SH3GL3: variants seen among roughly 807,000 people sequenced by gnomAD.
The protein encoded by SH3GL3 is SH3 domain containing GRB2 like 3, endophilin A3.
Under a neutral mutation model 47.7 loss-of-function variants are expected in SH3GL3, and 33 were observed. The observed-to-expected ratio is 0.69, with a 90% CI of 0.52 to 0.92. The LOEUF (loss-of-function observed/expected upper bound fraction) is 0.92. SH3GL3 is among the 40% of genes least tolerant of loss of function. The pLI is 0.00. For synonymous variants in SH3GL3, 155 were observed against 148.8 expected, an observed-to-expected ratio of 1.04 and a Z score of -0.30; for missense variants, 363 against 417.8, an observed-to-expected ratio of 0.87 and a Z score of 1.14.
intron 6 of SH3GL3, among the ~76,000 whole-genome samples, chr15:83,581,497 G>C (rs765583648): frequency 6.6e-6 from 1 of 152,204 alleles, no homozygotes; most frequent in Non-Finnish European, 1.5e-5. Context: ...GAGAGAGCGG[G>C]TGCAGAGACC....
At chr15:83,464,786 C>G (rs1041093625) in intron 1 of SH3GL3, among the ~76,000 whole-genome samples, 3 of 152,054 alleles carry the variant, frequency 2.0e-5, no homozygotes, top group African/African-American at 7.3e-5. Flanking sequence ...TTTCTTGCCC[C>G]CATGATTGTA....
chr15:83,560,727 C>A (rs910490603), intron 2 of SH3GL3, among the ~76,000 whole-genome samples: 1 of 151,880 alleles, frequency 6.6e-6, no homozygotes, highest in Non-Finnish European at 1.5e-5. Context: ...TTAAAACTTT[C>A]CAGAAGAGAT....
chr15:83,622,030 G>A (rs2060916934), downstream of SH3GL3, among the ~76,000 whole-genome samples: 1 of 152,118 alleles, frequency 6.6e-6, no homozygotes, highest in Non-Finnish European at 1.5e-5. Flanking sequence ...TTCAGTGTCT[G>A]TAATCAAATA....
At chr15:83,574,879 G>T (rs943328194) in intron 5 of SH3GL3, among the ~76,000 whole-genome samples, 1 of 151,806 alleles carries the variant, frequency 6.6e-6, no homozygotes, top group Non-Finnish European at 1.5e-5. Flanking sequence ...TTGGGAAGCT[G>T]TTTGTTCTTT....
At chr15:83,480,561 T>G (rs1330869060) in intron 1 of SH3GL3, among the ~76,000 whole-genome samples, 1 of 152,146 alleles carries the variant, frequency 6.6e-6, no homozygotes, top group African/African-American at 2.4e-5. Context: ...GTGGCTGAGG[T>G]AGAATACAGC....
chr15:83,468,843 A>G (rs930671885), intron 1 of SH3GL3, among the ~76,000 whole-genome samples: 9 of 147,812 alleles, frequency 6.1e-5, no homozygotes, highest in African/African-American at 2.2e-4. Flanking sequence ...TGGTACCTTA[A>G]TAAAATTAAC....
chr15:83,589,796 G>A (rs1339414814), intron 8 of SH3GL3, among the ~76,000 whole-genome samples: 2 of 152,184 alleles, frequency 1.3e-5, no homozygotes, highest in African/African-American at 2.4e-5. Flanking sequence ...CTATCCCACT[G>A]TTTTAACAGC....
rs1448880027 is a variant in SH3GL3 at position 83,447,816 on chromosome 15, G to A, written c.45+238G>A. Among the ~76,000 whole-genome samples the A allele has an allele frequency of 2.6e-5, 4 of 152,182 alleles. No individual in the cohort carries two copies. Among genetic ancestry groups the A allele is most frequent in the Admixed American group, 1.3e-4 (2 of 15,288 alleles). ...CTGCCCTGGGCCGTTGTAAATCGGA[G>A]AGATTCTGCGGAGCGGAGGGCAGAG... On this transcript the variant is annotated intron_variant, in intron 1 of 8. Transcript: ENST00000427482. This position sits in a 1 kb window ranked among gnomAD's most constrained non-coding sequence, Gnocchi z 5.1.
At chr15:83,449,468 CT>C (rs1441710251) in intron 1 of SH3GL3, among the ~76,000 whole-genome samples, 1 of 152,180 alleles carries the variant, frequency 6.6e-6, no homozygotes, top group Admixed American at 6.5e-5. Flanking sequence ...TGAACCTCCT[CT>C]TTTGAAAACT....
At chr15:83,473,471 GC>G (rs1310484481) in intron 1 of SH3GL3, among the ~76,000 whole-genome samples, 1 of 152,038 alleles carries the variant, frequency 6.6e-6, no homozygotes, top group Non-Finnish European at 1.5e-5. Flanking sequence ...TTCCTTGGCT[GC>G]CCCTTGCTTG....
At chr15:83,462,001 C>G (rs2040323907) in intron 1 of SH3GL3, among the ~76,000 whole-genome samples, 1 of 152,164 alleles carries the variant, frequency 6.6e-6, no homozygotes, top group South Asian at 2.1e-4. Flanking sequence ...GTAGAAGGGA[C>G]TGGATCTTAA....
At chr15:83,477,485 A>G (rs1695729175) in intron 1 of SH3GL3, among the ~76,000 whole-genome samples, 1 of 152,124 alleles carries the variant, frequency 6.6e-6, no homozygotes, top group Admixed American at 6.6e-5. Context: ...AAGTATGTAG[A>G]TTATAATTTG....
chr15:83,562,020 A>G (rs568424198), intron 2 of SH3GL3, among the ~76,000 whole-genome samples: 3 of 135,270 alleles, frequency 2.2e-5, no homozygotes, highest in Non-Finnish European at 3.2e-5. Context: ...TTGAACAGAC[A>G]CACACACACA....
intron 8 of SH3GL3, among the ~76,000 whole-genome samples, chr15:83,593,672 CTTTG>C (rs530690711): frequency 3.3e-5 from 5 of 152,176 alleles, no homozygotes; most frequent in African/African-American, 1.2e-4. Context: ...ATCTGCATGC[CTTTG>C]TTTTTCTTGC....
intron 1 of SH3GL3, among the ~76,000 whole-genome samples, chr15:83,482,974 T>G (rs2041434279): frequency 6.6e-6 from 1 of 152,222 alleles, no homozygotes; most frequent in African/African-American, 2.4e-5. Context: ...CCATCAAGAA[T>G]CCAACCTGGA....
At chr15:83,507,790 G>A (rs956208576) in intron 1 of SH3GL3, among the ~76,000 whole-genome samples, 1 of 152,094 alleles carries the variant, frequency 6.6e-6, no homozygotes, top group Admixed American at 6.5e-5. Context: ...TAGGTGCTTG[G>A]AATATATCTA....
At chr15:83,519,043 C>T (rs1393894670) in intron 1 of SH3GL3, among the ~76,000 whole-genome samples, 1 of 151,894 alleles carries the variant, frequency 6.6e-6, no homozygotes, top group Non-Finnish European at 1.5e-5. Context: ...TGTTTTTGTA[C>T]CAGCACCATG....
At chr15:83,558,584 A>G (rs1176219887) in intron 1 of SH3GL3, among the ~76,000 whole-genome samples, 1 of 152,070 alleles carries the variant, frequency 6.6e-6, no homozygotes, top group East Asian at 1.9e-4. Context: ...CTTGCAGTGC[A>G]CAGGACAGCC....
chr15:83,515,625 T>G (rs1424095547), intron 1 of SH3GL3, among the ~76,000 whole-genome samples: 2 of 152,220 alleles, frequency 1.3e-5, no homozygotes, highest in Non-Finnish European at 2.9e-5. Context: ...TTTGGTGTAT[T>G]GACTTAAATT....
Sources: gnomAD v4.1 joint callset for allele counts (sites outside exome capture counted in the v4.1 genomes callset) on GRCh38, gnomAD v4.1.1 for gene constraint, Gnocchi (gnomAD v3.1) non-coding constraint, MANE v1.5 for transcripts, NCBI Gene and HGNC (gene_info 2026-07-23, HGNC 2026-07-21) for gene names.